CDHR1: variants seen among roughly 807,000 people sequenced by gnomAD.
CDHR1 encodes cadherin related family member 1, also known as cadherin-related family member 1.
Under a neutral mutation model 72.1 loss-of-function variants are expected in CDHR1, and 61 were observed. The ratio of observed to expected loss-of-function variants is 0.85; its 90% CI spans 0.69 to 1.05. The LOEUF (loss-of-function observed/expected upper bound fraction) is 1.05, where lower values mean the gene tolerates loss of function less well. Ranked by LOEUF, CDHR1 falls within the 50% of genes least tolerant of loss-of-function variation. The pLI, the probability that CDHR1 is intolerant of heterozygous loss-of-function variation, is 0.00. For synonymous variants in CDHR1, 470 were observed against 448.1 expected, an observed-to-expected ratio of 1.05 and a Z score of -0.62; for missense variants, 1,186 against 1,115.7, an observed-to-expected ratio of 1.06 and a Z score of -0.90.
chr10:84,219,492 C>T (rs1842476658), downstream of CDHR1: 7 of 618,482 alleles, frequency 1.1e-5, no homozygotes, highest in Non-Finnish European at 7.5e-6. Flanking sequence ...GTCTGAACAT[C>T]CACTCTCACC....
chr10:84,212,036 G>A, intron 14 of CDHR1, 143 bp from the exon 15 acceptor site: 1 of 753,264 alleles, frequency 1.3e-6, no homozygotes, highest in Non-Finnish European at 2.3e-6. Context: ...TGCAAGGATA[G>A]GAGGGAGCAG....
rs1333794265 is a variant in CDHR1 at position 84,218,238 on chromosome 10, C to A, written c.*3617C>A. The A allele has an allele frequency of 2.0e-6, 2 of 985,322 alleles. No homozygotes were observed. Among genetic ancestry groups the A allele is most frequent in the Non-Finnish European group, 2.4e-6 (2 of 829,936 alleles). The allele number at this position is 985,322 out of a possible 1,614,324, so 61.0% of individuals were successfully genotyped here. On this transcript the variant is annotated 3_prime_UTR_variant, in exon 17 of 17. Coordinates refer to ENST00000623527, the MANE Select transcript of CDHR1 (RefSeq NM_033100.4). ...CTCACAAACAACCTAGGGAGGGGTT[C>A]TCTGAAGGGCCTAGTTTCCAGAATG...
chr10:84,198,904 G>GAT (rs1554855316), intron 4 of CDHR1, 128 bp from the exon 5 acceptor site: 3 of 204,798 alleles, frequency 1.5e-5, no homozygotes, highest in African/African-American at 8.3e-5. Flanking sequence ...AAAGAAGGAA[G>GAT]AGAGAGAGAG....
chr10:84,198,591 C>T (rs913808950), intron 4 of CDHR1, among the ~76,000 whole-genome samples: 2 of 152,228 alleles, frequency 1.3e-5, no homozygotes, highest in African/African-American at 4.8e-5. Flanking sequence ...TCTCACTCCT[C>T]TAAGAAGCCC....
At chr10:84,218,732 C>T, downstream of CDHR1, 1 of 996,880 alleles carries the variant, frequency 1.0e-6, no homozygotes, top group Non-Finnish European at 1.2e-6. Context: ...ATGAATTAAA[C>T]AGAACATGTG....
At position 84,211,138 on chromosome 10, in the gene CDHR1, AGG is replaced by A; in HGVS notation, c.1462_1463del (p.Gly488LeufsTer47). 1.2e-6 allele frequency: 2 copies of A among 1,614,192 alleles called. No individual in the cohort carries two copies. Among genetic ancestry groups the A allele is most frequent in the Non-Finnish European group, 1.7e-6 (2 of 1,180,016 alleles). On this transcript the variant is annotated frameshift_variant, in exon 13 of 17. Coordinates refer to ENST00000623527, the MANE Select transcript of CDHR1 (RefSeq NM_033100.4). LOFTEE classifies it high-confidence loss of function. ...YVARIPENAPGGSSVVAVTAV... is the reference protein window; with the variant it reads ...YVARIPENAPXGSSVVAVTAV... ...TTGCCAGGATTCCTGAGAACGCCCCAGGGGGCTCCAGCGTGGTGGCTGTCACA... is the reference window on the plus strand; with the variant it reads ...TTGCCAGGATTCCTGAGAACGCCCCAGGGCTCCAGCGTGGTGGCTGTCACA...
intron 1 of CDHR1, among the ~76,000 whole-genome samples, chr10:84,195,202 C>T (rs1163855928): frequency 1.3e-5 from 2 of 152,224 alleles, no homozygotes; most frequent in African/African-American, 4.8e-5. Context: ...TCTCCGAGCG[C>T]GGGTGCAATC....
chr10:84,197,905 C>A (rs987092557), intron 4 of CDHR1, 69 bp downstream of exon 4: 3 of 1,440,572 alleles, frequency 2.1e-6, no homozygotes, highest in Admixed American at 1.7e-5. Flanking sequence ...GAGGCTGGCA[C>A]GATTCCTCCC....
chr10:84,216,927 A>G lies in CDHR1; in HGVS notation c.*2306A>G. On this transcript the variant is annotated 3_prime_UTR_variant, in exon 17 of 17. Coordinates refer to ENST00000623527, the MANE Select transcript of CDHR1 (RefSeq NM_033100.4). ...GTCGTCTCTCAGACAGGCGTCCTAA[A>G]GACCTCTAGGCTGGAAGCTTGGGCT... 1.0e-6 allele frequency: 1 copy of G among 985,510 alleles called. No individual in the cohort carries two copies. Among genetic ancestry groups the G allele is most frequent in the Non-Finnish European group, 1.2e-6 (1 of 829,968 alleles). 61.0% of individuals were successfully genotyped at this position (985,510 alleles called of 1,614,324 possible). A position where few individuals can be genotyped will look rare whatever the true frequency, so the allele number is the denominator to read the frequency against.
At chr10:84,205,172 T>TGGGCC (rs1842202377) in intron 9 of CDHR1, among the ~76,000 whole-genome samples, 2 of 152,288 alleles carry the variant, frequency 1.3e-5, no homozygotes, top group South Asian at 4.1e-4. Context: ...GAGCTGTCCC[T>TGGGCC]GGGCCAGGCC....
intron 1 of CDHR1, 137 bp downstream of exon 1, chr10:84,194,952 T>A: frequency 1.2e-6 from 1 of 866,856 alleles, no homozygotes. Flanking sequence ...AGCGGAGAAG[T>A]CCTTCCATCT....
rs772646453 is a variant in CDHR1 at position 84,203,118 on chromosome 10, C to A, written c.778C>A (p.Leu260Ile). The A allele has an allele frequency of 1.2e-6, 2 of 1,614,212 alleles. No individual in the cohort carries two copies. Among genetic ancestry groups the A allele is most frequent in the South Asian group, 2.2e-5 (2 of 91,084 alleles). Residue 260 changes from leucine (L) to isoleucine (I), a missense_variant, in exon 8 of 17, where the codon CTT becomes ATT. Leu to Ile is a conservative substitution (Grantham distance 5). Coordinates refer to ENST00000623527, the MANE Select transcript of CDHR1 (RefSeq NM_033100.4). ...CTATGGCTATGTGTACGAGGACACC[C>A]TTCCGGTGGGTGGCTGTCCCCCTCA... ...PYYGYVYEDT[L>I]PGSEVLKVVA...
intron 5 of CDHR1, 140 bp from the exon 6 acceptor site, chr10:84,200,461 C>T: frequency 1.4e-6 from 1 of 700,140 alleles, no homozygotes. Flanking sequence ...CCACTGGGTG[C>T]TCACACATTT....
intron 5 of CDHR1, among the ~76,000 whole-genome samples, chr10:84,199,970 C>A (rs918143699): frequency 6.6e-6 from 1 of 152,106 alleles, no homozygotes; most frequent in South Asian, 2.1e-4. Context: ...GTCAGGAGTT[C>A]GAGACCAGCC....
At chr10:84,198,939 G>A in intron 4 of CDHR1, 93 bp from the exon 5 acceptor site, 1 of 905,306 alleles carries the variant, frequency 1.1e-6, no homozygotes, top group Non-Finnish European at 1.8e-6. Context: ...GGGATGGGCA[G>A]AGACGTGTAC....
At chr10:84,195,112 T>C (rs1298717040) in intron 1 of CDHR1, among the ~76,000 whole-genome samples, 1 of 152,190 alleles carries the variant, frequency 6.6e-6, no homozygotes, top group Admixed American at 6.5e-5. Flanking sequence ...GTAGGCTTGG[T>C]GGCAGCTCCG....
At chr10:84,209,197 T>G (rs761288046) in intron 12 of CDHR1, among the ~76,000 whole-genome samples, 6 of 152,230 alleles carry the variant, frequency 3.9e-5, no homozygotes, top group Non-Finnish European at 7.3e-5. Context: ...ATCATATGCC[T>G]TGACATTTGT....
At chr10:84,211,748 G>A (rs373589700) in intron 14 of CDHR1, 33 bp downstream of exon 14, 17 of 1,582,552 alleles carry the variant, frequency 1.1e-5, no homozygotes, top group African/African-American at 5.4e-5. Context: ...ACAGGGCCTT[G>A]GGCAAGGGGA....
At chr10:84,195,468 C>A (rs1360117281) in intron 1 of CDHR1, 26 bp from the exon 2 acceptor site, 1 of 1,602,826 alleles carries the variant, frequency 6.2e-7, no homozygotes, top group Non-Finnish European at 8.5e-7. Flanking sequence ...GCCTGGGTGT[C>A]CGTCTGTTCT....
Sources: allele counts gnomAD v4.1 joint callset (sites outside exome capture counted in the v4.1 genomes callset), GRCh38; gene constraint gnomAD v4.1.1; transcripts MANE v1.5; gene names NCBI Gene and HGNC (gene_info 2026-07-23, HGNC 2026-07-21).